KDM4B: variants seen among roughly 807,000 people sequenced by gnomAD.
KDM4B encodes the protein lysine demethylase 4B.
KDM4B carries 32 observed loss-of-function variants against 125.2 expected under a neutral mutation model. That is an observed-to-expected ratio of 0.26 (90% CI 0.19 to 0.34). KDM4B has a LOEUF of 0.34. Ranked by LOEUF, KDM4B falls within the 10% of genes least tolerant of loss-of-function variation. KDM4B has a pLI of 1.00. For missense variants in KDM4B, 1,190 were observed against 1,577.7 expected (o/e 0.75, Z 4.16); for synonymous variants, 721 against 677.9 (o/e 1.06, Z -0.99).
At chr19:5,092,071 A>C (rs1483611032) in intron 9 of KDM4B, among the ~76,000 whole-genome samples, 1 of 152,224 alleles carries the variant, frequency 6.6e-6, no homozygotes, top group South Asian at 2.1e-4. Flanking sequence ...GACCAGGCGG[A>C]GCGGATCCCG....
rs145104451 is a variant in KDM4B at position 5,037,796 on chromosome 19, C to A, written c.142-2040C>A. 4.3e-3 allele frequency among the ~76,000 whole-genome samples: 649 copies of A among 152,324 alleles called. 4 individuals are homozygous for A. The highest frequency in any genetic ancestry group is 5.9e-3 in the Non-Finnish European group (403 of 68,032). Reference sequence around the variant, plus strand: ...GACATCCCCAGACATGGCCAGGTGTCCCCTGGGGGACAAGACCCCCCCTCA... The same window carrying A: ...GACATCCCCAGACATGGCCAGGTGTACCCTGGGGGACAAGACCCCCCCTCA... On this transcript the variant is annotated intron_variant, in intron 3 of 22. Transcript: ENST00000159111.
At chr19:5,137,783 C>A in intron 17 of KDM4B, 107 bp downstream of exon 17, 1 of 1,142,560 alleles carries the variant, frequency 8.8e-7, no homozygotes, top group Non-Finnish European at 1.2e-6. Context: ...ATCACCTCCA[C>A]ATAACCGCCC....
intron 21 of KDM4B, among the ~76,000 whole-genome samples, chr19:5,149,621 GAC>G (rs2039911806): frequency 6.6e-6 from 1 of 152,238 alleles, no homozygotes; most frequent in South Asian, 2.1e-4. Flanking sequence ...TGGGCCTGGA[GAC>G]ACGCCCCTCC....
chr19:5,002,557 T>G (rs1012308080), intron 1 of KDM4B, among the ~76,000 whole-genome samples: 2 of 151,806 alleles, frequency 1.3e-5, no homozygotes, highest in Admixed American at 1.3e-4. Context: ...TCTTACTATG[T>G]TGCCCACGCT....
chr19:5,123,046 G>A, intron 11 of KDM4B, among the ~76,000 whole-genome samples: 1 of 152,256 alleles, frequency 6.6e-6, no homozygotes, highest in East Asian at 1.9e-4. Flanking sequence ...CACTAGGACT[G>A]TGCAGATGCA....
intron 1 of KDM4B, among the ~76,000 whole-genome samples, chr19:5,004,937 T>C (rs950367647): frequency 1.3e-5 from 2 of 152,174 alleles, no homozygotes; most frequent in Non-Finnish European, 2.9e-5. Flanking sequence ...TGAGACGAGC[T>C]GGTCACCCCC....
chr19:5,103,112 GC>G (rs1400597216), intron 9 of KDM4B, among the ~76,000 whole-genome samples: 1 of 152,114 alleles, frequency 6.6e-6, no homozygotes. Context: ...AGGCACTGCT[GC>G]CAGTGGGGCC....
chr19:5,042,766 A>G (rs1353433056), intron 5 of KDM4B, among the ~76,000 whole-genome samples: 2 of 151,446 alleles, frequency 1.3e-5, no homozygotes, highest in African/African-American at 4.9e-5. Flanking sequence ...ATGGCGCTGA[A>G]CCATTCAGGA....
rs894529282 is a variant in KDM4B, at chr19:5,143,847, G to A, written c.2551-120G>A. On this transcript the variant is annotated intron_variant, in intron 18 of 22. Coordinates refer to ENST00000159111, the MANE Select transcript of KDM4B (RefSeq NM_015015.3). Reference sequence around the variant, plus strand: ...TGGAGGGGAACCCTCACTGGGCAGAGCGCAGGGCCACTCCCGCGATGCCTC... The same window carrying A: ...TGGAGGGGAACCCTCACTGGGCAGAACGCAGGGCCACTCCCGCGATGCCTC... 3 of 797,916 alleles carry A rather than the reference G, an allele frequency of 3.8e-6. No homozygotes were observed. The African/African-American group carries it at 5.2e-5, about 14-fold the overall frequency. The allele number at this position is 797,916 out of a possible 1,614,324, so 49.4% of individuals were successfully genotyped here. A position where few individuals can be genotyped will look rare whatever the true frequency, so the allele number is the denominator to read the frequency against.
chr19:5,011,778 G>A (rs1211711999), intron 1 of KDM4B, among the ~76,000 whole-genome samples: 1 of 152,264 alleles, frequency 6.6e-6, no homozygotes, highest in East Asian at 1.9e-4. Context: ...AGCCCTGGGG[G>A]CTCCGGTGAC....
intron 11 of KDM4B, among the ~76,000 whole-genome samples, chr19:5,121,985 C>A (rs953270643): frequency 6.6e-6 from 1 of 152,116 alleles, no homozygotes; most frequent in Admixed American, 6.5e-5. Flanking sequence ...CCTCCCTCCC[C>A]CTGTCCACGC....
chr19:5,076,638 G>C (rs2038121448), intron 7 of KDM4B: 1 of 156,590 alleles, frequency 6.4e-6, no homozygotes. Flanking sequence ...TTTCCCCAGG[G>C]TCGTGCTCTC....
At chr19:5,097,005 C>T (rs2038840703) in intron 9 of KDM4B, among the ~76,000 whole-genome samples, 1 of 152,108 alleles carries the variant, frequency 6.6e-6, no homozygotes, top group South Asian at 2.1e-4. Context: ...CTTTAAAGAG[C>T]ACGGGCTGGC....
intron 1 of KDM4B, among the ~76,000 whole-genome samples, chr19:4,981,579 C>T (rs1393029641): frequency 6.6e-6 from 1 of 152,128 alleles, no homozygotes; most frequent in Non-Finnish European, 1.5e-5. Flanking sequence ...GGACGTCCCC[C>T]CAGGAGGTTA....
chr19:5,140,327 A>G (rs1207525526), intron 18 of KDM4B: 1 of 152,400 alleles, frequency 6.6e-6, no homozygotes, highest in African/African-American at 2.4e-5. Context: ...TCTGCTGCAC[A>G]CCCTGTAGCC....
At chr19:5,006,784 A>AT (rs2035574628) in intron 1 of KDM4B, among the ~76,000 whole-genome samples, 1 of 152,034 alleles carries the variant, frequency 6.6e-6, no homozygotes, top group East Asian at 1.9e-4. Flanking sequence ...AAAAAAAAAA[A>AT]AAAGATATGG....
At chr19:4,980,036 C>T (rs1194681648) in intron 1 of KDM4B, among the ~76,000 whole-genome samples, 3 of 151,978 alleles carry the variant, frequency 2.0e-5, no homozygotes, top group Non-Finnish European at 4.4e-5. Flanking sequence ...ACCCAGGAGG[C>T]GGAGGCTGCA....
intron 2 of KDM4B, among the ~76,000 whole-genome samples, chr19:5,032,652 C>T (rs1195150344): frequency 6.6e-6 from 1 of 152,242 alleles, no homozygotes; most frequent in Admixed American, 6.5e-5. Flanking sequence ...CTCTGCTTCT[C>T]GTTAGCTGCA....
chr19:5,059,685 G>A (rs77756948), intron 6 of KDM4B, among the ~76,000 whole-genome samples: 10,143 of 152,336 alleles, frequency 0.067, 371 homozygotes, highest in Admixed American at 0.093. Flanking sequence ...GGACGCTCCA[G>A]GCCATCTCGG....
Sources: gnomAD v4.1 joint callset for allele counts (sites outside exome capture counted in the v4.1 genomes callset) on GRCh38, gnomAD v4.1.1 for gene constraint, MANE v1.5 for transcripts, NCBI Gene and HGNC (gene_info 2026-07-23, HGNC 2026-07-21) for gene names.